The following RPS6KC1 variants were observed in gnomAD, a reference collection of about 807,000 sequenced individuals.
The protein encoded by RPS6KC1 is inactive ribosomal protein S6 kinase delta-1.
Under a neutral mutation model 103.8 loss-of-function variants are expected in RPS6KC1, and 54 were observed. The ratio of observed to expected loss-of-function variants is 0.52; its 90% CI spans 0.42 to 0.65. The LOEUF (loss-of-function observed/expected upper bound fraction) is 0.65. Among genes scored for constraint, RPS6KC1 ranks in the 30% least tolerant of loss-of-function variants. The pLI is 0.00. For synonymous variants in RPS6KC1, 439 were observed against 438.7 expected (o/e 1.00, Z -0.01); for missense variants, 1,151 against 1,253.8 (o/e 0.92, Z 1.24).
chr1:213,849,528 T>A, the RPS6KC1 span, among the ~76,000 whole-genome samples: 3 of 152,252 alleles, frequency 2.0e-5, no homozygotes, highest in Non-Finnish European at 4.4e-5. Context: ...GTTACAATAC[T>A]TTTCAGCTCT....
At chr1:213,062,528 T>C (rs965133456) in intron 1 of RPS6KC1, among the ~76,000 whole-genome samples, 7 of 152,202 alleles carry the variant, frequency 4.6e-5, no homozygotes, top group Non-Finnish European at 1.0e-4. Context: ...CTAATCATCA[T>C]TATGGTGATA....
chr1:213,305,148 C>T, the RPS6KC1 span, among the ~76,000 whole-genome samples: 1 of 152,244 alleles, frequency 6.6e-6, no homozygotes, highest in African/African-American at 2.4e-5. Context: ...GCACTGGCGC[C>T]ATCTCAGCTC....
chr1:213,516,669 A>G, the RPS6KC1 span, among the ~76,000 whole-genome samples: 1 of 152,200 alleles, frequency 6.6e-6, no homozygotes, highest in South Asian at 2.1e-4. Context: ...GATGTTCATC[A>G]GGGATATTGG....
At chr1:213,285,607 A>C in the RPS6KC1 span, among the ~76,000 whole-genome samples, 1 of 152,184 alleles carries the variant, frequency 6.6e-6, no homozygotes, top group Admixed American at 6.5e-5. Flanking sequence ...AGAAAGTAGC[A>C]AGAGTATATG....
the RPS6KC1 span, among the ~76,000 whole-genome samples, chr1:213,574,351 G>A: frequency 1.3e-5 from 2 of 152,064 alleles, no homozygotes; most frequent in Admixed American, 6.5e-5. Context: ...AATTAGAAAT[G>A]TTCAATTGGT....
At chr1:213,812,981 G>A in the RPS6KC1 span, among the ~76,000 whole-genome samples, 3 of 152,070 alleles carry the variant, frequency 2.0e-5, no homozygotes, top group Non-Finnish European at 2.9e-5. Flanking sequence ...GGCCGGGCAC[G>A]GTGGCTCAAA....
chr1:213,375,854 C>T, the RPS6KC1 span, among the ~76,000 whole-genome samples: 1 of 152,218 alleles, frequency 6.6e-6, no homozygotes, highest in Admixed American at 6.5e-5. Flanking sequence ...GGATTGGCTG[C>T]TGGGGGGTCT....
chr1:213,175,695 C>A (rs1411895456), intron 7 of RPS6KC1, among the ~76,000 whole-genome samples: 2 of 152,004 alleles, frequency 1.3e-5, no homozygotes, highest in Non-Finnish European at 2.9e-5. Flanking sequence ...TTTTTTAAAT[C>A]TTTTTTGTAG....
At chr1:213,771,817 A>G in the RPS6KC1 span, among the ~76,000 whole-genome samples, 1 of 152,214 alleles carries the variant, frequency 6.6e-6, no homozygotes, top group Non-Finnish European at 1.5e-5. Flanking sequence ...CTTAGCAATG[A>G]TAAGCATTTT....
chr1:213,450,520 C>T, the RPS6KC1 span, among the ~76,000 whole-genome samples: 2 of 152,116 alleles, frequency 1.3e-5, no homozygotes, highest in Non-Finnish European at 2.9e-5. Flanking sequence ...GGCTTGTCCT[C>T]CTCCTCTCTC....
chr1:213,757,080 C>T, the RPS6KC1 span, among the ~76,000 whole-genome samples: 1 of 152,168 alleles, frequency 6.6e-6, no homozygotes, highest in African/African-American at 2.4e-5. Flanking sequence ...CATCTCTCTC[C>T]TCCTTCTCAA....
At chr1:213,346,240 A>G in the RPS6KC1 span, among the ~76,000 whole-genome samples, 2 of 152,202 alleles carry the variant, frequency 1.3e-5, no homozygotes, top group African/African-American at 4.8e-5. Context: ...CTAATATACC[A>G]TAGCTAGAAA....
chr1:213,553,898 T>C, the RPS6KC1 span, among the ~76,000 whole-genome samples: 1 of 152,182 alleles, frequency 6.6e-6, no homozygotes, highest in African/African-American at 2.4e-5. Context: ...TGCTTGTTGA[T>C]TTAAATTCCT....
At chr1:213,338,609 C>T in the RPS6KC1 span, among the ~76,000 whole-genome samples, 3 of 152,078 alleles carry the variant, frequency 2.0e-5, no homozygotes, top group South Asian at 2.1e-4. Context: ...TGGAGGTAAA[C>T]GTGATGTGGT....
the RPS6KC1 span, among the ~76,000 whole-genome samples, chr1:213,632,718 G>T: frequency 2.4e-3 from 361 of 152,352 alleles, 2 homozygotes; most frequent in African/African-American, 8.3e-3. Context: ...ACAGAAGCAG[G>T]CTTCAGAAGG....
the RPS6KC1 span, among the ~76,000 whole-genome samples, chr1:213,534,728 C>T: frequency 6.6e-6 from 1 of 152,180 alleles, no homozygotes; most frequent in African/African-American, 2.4e-5. Flanking sequence ...TTAGGATATG[C>T]CTGGCACTGT....
the RPS6KC1 span, among the ~76,000 whole-genome samples, chr1:213,764,758 A>G: frequency 6.6e-6 from 1 of 152,194 alleles, no homozygotes; most frequent in African/African-American, 2.4e-5. Flanking sequence ...TCCTGGAGCA[A>G]GCAAGTGGAA....
the RPS6KC1 span, among the ~76,000 whole-genome samples, chr1:213,833,370 T>C: frequency 6.6e-6 from 1 of 152,210 alleles, no homozygotes; most frequent in Admixed American, 6.5e-5. Flanking sequence ...TATACCCTCA[T>C]TCTCTCTCCT....
the RPS6KC1 span, among the ~76,000 whole-genome samples, chr1:213,572,331 A>G: frequency 5.3e-5 from 8 of 152,218 alleles, no homozygotes; most frequent in Non-Finnish European, 7.3e-5. Flanking sequence ...TTTAGAACTA[A>G]TTTCCTTCTG....
Sources: allele counts gnomAD v4.1 joint callset (sites outside exome capture counted in the v4.1 genomes callset), GRCh38; gene constraint gnomAD v4.1.1; transcripts MANE v1.5; gene names NCBI Gene and HGNC (gene_info 2026-07-23, HGNC 2026-07-21).